SYNPO2: variants seen among roughly 807,000 people sequenced by gnomAD.
SYNPO2 encodes the protein synaptopodin 2, also known as synaptopodin-2.
A neutral mutation model predicts 85.0 loss-of-function variants in SYNPO2; 56 were observed. That is an observed-to-expected ratio of 0.66 (90% CI 0.53 to 0.82). The LOEUF (loss-of-function observed/expected upper bound fraction) is 0.82, where lower values mean the gene tolerates loss of function less well. Ranked by LOEUF, SYNPO2 falls within the 40% of genes least tolerant of loss-of-function variation. The probability of loss-of-function intolerance (pLI) is 0.00; values close to 1 mark genes in which losing one functional copy is unlikely to be tolerated. For synonymous variants in SYNPO2, 602 were observed against 591.1 expected (o/e 1.02, Z -0.27); for missense variants, 1,575 against 1,534.2 (o/e 1.03, Z -0.44).
rs568867013 is a variant in SYNPO2, at chr4:119,045,442, C to A, written c.3253-11959C>A. On this transcript the variant is annotated intron_variant, in intron 4 of 4. Transcript: ENST00000307142. ...CTCTAGCCGGGGTGATAGAGCAAGACCCTGTCTCAAAAAAACAAAAACCCA... is the reference window on the plus strand; with the variant it reads ...CTCTAGCCGGGGTGATAGAGCAAGAACCTGTCTCAAAAAAACAAAAACCCA... 5.9e-5 allele frequency among the ~76,000 whole-genome samples: 9 copies of A among 152,204 alleles called. No individual in the cohort carries two copies. The South Asian group carries it at 1.9e-3, about 32-fold the overall frequency.
intron 1 of SYNPO2, among the ~76,000 whole-genome samples, chr4:118,891,824 G>A (rs1732388473): frequency 6.6e-6 from 1 of 152,172 alleles, no homozygotes; most frequent in African/African-American, 2.4e-5. Context: ...TAATTTGGGA[G>A]TTGAAGGAAA....
At chr4:118,917,754 A>G (rs1733399619) in intron 1 of SYNPO2, among the ~76,000 whole-genome samples, 1 of 152,228 alleles carries the variant, frequency 6.6e-6, no homozygotes, top group Non-Finnish European at 1.5e-5. Flanking sequence ...CTAAATAGGC[A>G]TCATCATTTA....
At chr4:118,959,551 CT>C (rs1364285342) in intron 1 of SYNPO2, among the ~76,000 whole-genome samples, 1 of 152,206 alleles carries the variant, frequency 6.6e-6, no homozygotes. Context: ...AAAAAGATCA[CT>C]GTAAACATTT....
chr4:119,017,069 T>G (rs1303945261), intron 1 of SYNPO2, among the ~76,000 whole-genome samples: 1 of 152,202 alleles, frequency 6.6e-6, no homozygotes, highest in African/African-American at 2.4e-5. Flanking sequence ...GTCATGATCT[T>G]CAAACCAAAA....
At chr4:118,975,562 C>T (rs751996917) in intron 1 of SYNPO2, among the ~76,000 whole-genome samples, 57 of 152,234 alleles carry the variant, frequency 3.7e-4, no homozygotes, top group African/African-American at 1.3e-3. Flanking sequence ...ACTTTCACCC[C>T]CAGGAAGGAG....
At chr4:118,876,489 T>C (rs991112098) in intron 1 of SYNPO2, among the ~76,000 whole-genome samples, 3 of 152,208 alleles carry the variant, frequency 2.0e-5, no homozygotes, top group African/African-American at 7.2e-5. Flanking sequence ...GCTTCTCCAG[T>C]AAAATGTAGT....
At chr4:118,949,053 T>A (rs1386290413) in intron 1 of SYNPO2, among the ~76,000 whole-genome samples, 1 of 152,120 alleles carries the variant, frequency 6.6e-6, no homozygotes, top group Non-Finnish European at 1.5e-5. Flanking sequence ...GCTTTCCAGG[T>A]AGTTCTAATG....
intron 1 of SYNPO2, among the ~76,000 whole-genome samples, chr4:118,863,208 T>C (rs960353141): frequency 6.6e-6 from 1 of 152,248 alleles, no homozygotes; most frequent in Non-Finnish European, 1.5e-5. Flanking sequence ...TCTCCTCTAT[T>C]TTTCGGAATA....
At chr4:118,984,722 T>C (rs1461097776) in intron 1 of SYNPO2, among the ~76,000 whole-genome samples, 1 of 152,220 alleles carries the variant, frequency 6.6e-6, no homozygotes, top group Non-Finnish European at 1.5e-5. Flanking sequence ...TTCTGTAAGT[T>C]TCCTGGCCTA....
At chr4:118,981,210 C>A (rs1308853243) in intron 1 of SYNPO2, among the ~76,000 whole-genome samples, 1 of 152,186 alleles carries the variant, frequency 6.6e-6, no homozygotes, top group Non-Finnish European at 1.5e-5. Context: ...GACAGCACAG[C>A]GTGTGTTTTT....
chr4:119,002,163 G>C (rs1736844080), intron 1 of SYNPO2, among the ~76,000 whole-genome samples: 1 of 152,086 alleles, frequency 6.6e-6, no homozygotes, highest in Admixed American at 6.5e-5. Context: ...TTCTTTTTAA[G>C]ATTTTAGTTT....
chr4:118,878,043 T>G (rs1731960191), intron 1 of SYNPO2, among the ~76,000 whole-genome samples: 1 of 152,172 alleles, frequency 6.6e-6, no homozygotes, highest in Admixed American at 6.5e-5. Context: ...AGAATGAGAT[T>G]ATGTCGTTTG....
At chr4:118,904,064 A>G (rs4834713) in intron 1 of SYNPO2, among the ~76,000 whole-genome samples, 119,760 of 152,084 alleles carry the variant, frequency 0.79, 47,280 homozygotes, top group South Asian at 0.88. Flanking sequence ...AATTAATTGC[A>G]TATAATTCTG....
intron 4 of SYNPO2, chr4:119,034,072 A>T (rs1738395491): frequency 1.0e-6 from 1 of 985,450 alleles, no homozygotes; most frequent in African/African-American, 1.7e-5. Context: ...TACAGGATAA[A>T]GGAAAAAAGC....
intron 1 of SYNPO2, among the ~76,000 whole-genome samples, chr4:118,935,753 T>C (rs1184347821): frequency 6.6e-6 from 1 of 152,250 alleles, no homozygotes; most frequent in Non-Finnish European, 1.5e-5. Flanking sequence ...TAACACATAT[T>C]AATATCTTGT....
chr4:118,922,568 A>G (rs1349846855), intron 1 of SYNPO2, among the ~76,000 whole-genome samples: 2 of 151,726 alleles, frequency 1.3e-5, no homozygotes, highest in Non-Finnish European at 2.9e-5. Flanking sequence ...CTACCTGCAT[A>G]TTCACAGGAT....
chr4:119,030,480 G>A lies in SYNPO2; in HGVS notation c.1705G>A (p.Gly569Ser), dbSNP rs780234294. 2 of 1,614,082 alleles carry A rather than the reference G, an allele frequency of 1.2e-6. No individual in the cohort carries two copies. The highest frequency in any genetic ancestry group is 1.7e-6 in the Non-Finnish European group (2 of 1,179,962). ...HGLGHVPQQN[G>S]FSGTSETANI... ...TCTTGGCCATGTTCCCCAACAGAAT[G>A]GCTTCAGTGGGACATCTGAGACAGC... The change falls in exon 4 of 5, where the codon GGC (glycine) becomes AGC (serine). Residue 569 changes from glycine to serine, a missense_variant. By Grantham distance (56) the Gly-to-Ser change is moderately conservative. Coordinates refer to ENST00000307142, the MANE Select transcript of SYNPO2 (RefSeq NM_133477.3).
chr4:119,029,346 A>G (rs1242178550), intron 3 of SYNPO2, among the ~76,000 whole-genome samples: 1 of 152,184 alleles, frequency 6.6e-6, no homozygotes, highest in Non-Finnish European at 1.5e-5. Context: ...AATTCATTAC[A>G]TTAAAACATT....
chr4:118,951,158 C>T (rs1207847126), intron 1 of SYNPO2, among the ~76,000 whole-genome samples: 1 of 152,100 alleles, frequency 6.6e-6, no homozygotes, highest in Non-Finnish European at 1.5e-5. Context: ...CTTTCTATTA[C>T]CACAGATCTT....
Sources: allele counts gnomAD v4.1 joint callset (sites outside exome capture counted in the v4.1 genomes callset), GRCh38; gene constraint gnomAD v4.1.1; transcripts MANE v1.5; gene names NCBI Gene and HGNC (gene_info 2026-07-23, HGNC 2026-07-21).